GALNTL6: variants seen among roughly 807,000 people sequenced by gnomAD.
GALNTL6 encodes polypeptide N-acetylgalactosaminyltransferase like 6, also known as polypeptide N-acetylgalactosaminyltransferase-like 6.
GALNTL6 carries 46 observed loss-of-function variants against 73.7 expected under a neutral mutation model. The ratio of observed to expected loss-of-function variants is 0.62; its 90% confidence interval spans 0.49 to 0.80. The LOEUF is 0.80. GALNTL6 is among the 30% of genes least tolerant of loss of function. GALNTL6 has a pLI of 0.00. For synonymous variants in GALNTL6, 259 were observed against 263.7 expected, an observed-to-expected ratio of 0.98 and a Z score of 0.17; for missense variants, 604 against 755.0, an observed-to-expected ratio of 0.80 and a Z score of 2.34.
chr4:172,851,669 A>T (rs1170225102), intron 7 of GALNTL6, among the ~76,000 whole-genome samples: 1 of 152,146 alleles, frequency 6.6e-6, no homozygotes, highest in African/African-American at 2.4e-5. Context: ...GATAAAAGGA[A>T]GTTGGGCAAT....
chr4:171,948,955 A>G (rs1231316933), intron 2 of GALNTL6, among the ~76,000 whole-genome samples: 1 of 34,250 alleles, frequency 2.9e-5, no homozygotes, highest in African/African-American at 7.7e-5. Context: ...CGCAAGCCAT[A>G]TATATATACA....
At chr4:171,989,938 C>G (rs904409411) in intron 2 of GALNTL6, among the ~76,000 whole-genome samples, 8 of 152,112 alleles carry the variant, frequency 5.3e-5, no homozygotes, top group Non-Finnish European at 1.0e-4. Context: ...CTTGACTATG[C>G]CTTTAGCTCC....
chr4:172,310,902 T>C (rs1187686374), intron 3 of GALNTL6, among the ~76,000 whole-genome samples: 3 of 151,980 alleles, frequency 2.0e-5, no homozygotes, highest in East Asian at 3.9e-4. Flanking sequence ...ATAAATATAG[T>C]ATGTAAAAAA....
At chr4:172,546,806 A>ATATATATG (rs1554034205) in intron 5 of GALNTL6, among the ~76,000 whole-genome samples, 2 of 99,092 alleles carry the variant, frequency 2.0e-5, no homozygotes, top group East Asian at 5.4e-4. Context: ...ACGTATATAT[A>ATATATATG]CGTATATATA....
intron 11 of GALNTL6, 42 bp downstream of exon 11, chr4:173,009,336 G>A (rs1251025738): frequency 8.8e-7 from 1 of 1,130,070 alleles, no homozygotes; most frequent in East Asian, 2.3e-5. Flanking sequence ...GAACCAGTCG[G>A]GGGCTGATGC....
chr4:172,028,380 C>A (rs180810905), intron 2 of GALNTL6, among the ~76,000 whole-genome samples: 1 of 151,852 alleles, frequency 6.6e-6, no homozygotes, highest in African/African-American at 2.4e-5. Flanking sequence ...AAGAAGTTAC[C>A]TTTGAGAAAA....
intron 3 of GALNTL6, among the ~76,000 whole-genome samples, chr4:172,279,541 C>A (rs143139407): frequency 2.6e-5 from 4 of 152,106 alleles, no homozygotes; most frequent in African/African-American, 9.6e-5. Context: ...AGGATGTTTA[C>A]TATTAAAAAG....
chr4:172,737,783 T>A (rs960053762), intron 5 of GALNTL6, among the ~76,000 whole-genome samples: 7 of 152,194 alleles, frequency 4.6e-5, no homozygotes, highest in Non-Finnish European at 1.0e-4. Flanking sequence ...TAGCAATTCT[T>A]TACTAGTGGA....
chr4:172,757,899 A>G (rs2110810147), intron 5 of GALNTL6, among the ~76,000 whole-genome samples: 1 of 152,372 alleles, frequency 6.6e-6, no homozygotes, highest in South Asian at 2.1e-4. Context: ...TAATTAGCAC[A>G]AAAGCATATG....
At chr4:172,836,992 G>A (rs546356716) in intron 7 of GALNTL6, among the ~76,000 whole-genome samples, 57 of 152,146 alleles carry the variant, frequency 3.7e-4, no homozygotes, top group African/African-American at 1.3e-3. Context: ...TTACCCTTGC[G>A]AAAAAGACTT....
chr4:172,863,262 A>T (rs1442667002), intron 7 of GALNTL6, among the ~76,000 whole-genome samples: 5 of 152,166 alleles, frequency 3.3e-5, no homozygotes, highest in Non-Finnish European at 7.4e-5. Context: ...GAGCTGTGAG[A>T]AGAGGGCCAC....
In GALNTL6 at chr4:172,781,907, T is replaced by C. The variant is rs1448710017; in HGVS notation, c.554-27454T>C. Among the ~76,000 whole-genome samples, 3 of 151,262 alleles carry C rather than the reference T, an allele frequency of 2.0e-5. No individual in the cohort carries two copies. The East Asian group carries it at 5.8e-4, about 29-fold the overall frequency. Reference sequence around the variant, plus strand: ...AATACATATTATATTTTCAAATTTATACATTGAAACATTTAAATTATATAT... The same window carrying C: ...AATACATATTATATTTTCAAATTTACACATTGAAACATTTAAATTATATAT... On this transcript the variant is annotated intron_variant, in intron 5 of 12. Coordinates refer to ENST00000506823, the MANE Select transcript of GALNTL6 (RefSeq NM_001034845.3).
At position 172,507,993 on chromosome 4, in the gene GALNTL6, T is replaced by C. The variant is rs564365090; in HGVS notation, c.553+159304T>C. Among the ~76,000 whole-genome samples, 153 of 55,432 alleles carry C rather than the reference T, an allele frequency of 2.8e-3. 62 individuals are homozygous for C. Among genetic ancestry groups the C allele is most frequent in the African/African-American group, 6.5e-3 (144 of 22,262 alleles). The allele number at this position is 55,432 out of a possible 152,430, so 36.4% of individuals were successfully genotyped here. ...TATGATAGAAAAGGAAAAAGTGAAC[T>C]GATGTGAGAGTTGTTTTGTAGGAAC... On this transcript the variant is annotated intron_variant, in intron 5 of 12. Coordinates refer to ENST00000506823, the MANE Select transcript of GALNTL6 (RefSeq NM_001034845.3).
intron 7 of GALNTL6, among the ~76,000 whole-genome samples, chr4:172,850,505 C>T (rs963100189): frequency 6.6e-6 from 1 of 152,146 alleles, no homozygotes; most frequent in African/African-American, 2.4e-5. Context: ...TCACGGAATA[C>T]TTCACCGCTT....
chr4:171,841,753 A>G (rs1735244210), intron 2 of GALNTL6, among the ~76,000 whole-genome samples: 1 of 152,038 alleles, frequency 6.6e-6, no homozygotes, highest in African/African-American at 2.4e-5. Context: ...TTAATTCCAG[A>G]AAAAAACCTT....
At chr4:172,182,945 C>G (rs920907741) in intron 2 of GALNTL6, among the ~76,000 whole-genome samples, 2 of 152,058 alleles carry the variant, frequency 1.3e-5, no homozygotes, top group African/African-American at 2.4e-5. Flanking sequence ...CGCATTCGCT[C>G]AAGGCCTTTG....
intron 5 of GALNTL6, among the ~76,000 whole-genome samples, chr4:172,364,353 G>T (rs998983907): frequency 7.9e-5 from 12 of 152,152 alleles, no homozygotes; most frequent in Non-Finnish European, 1.8e-4. Flanking sequence ...AGAATTTTGA[G>T]GTTACAGTGA....
At chr4:172,705,588 A>G (rs115651118) in intron 5 of GALNTL6, among the ~76,000 whole-genome samples, 1 of 151,762 alleles carries the variant, frequency 6.6e-6, no homozygotes, top group Non-Finnish European at 1.5e-5. Context: ...AATGATTTTT[A>G]TACTTCAGGT....
chr4:172,483,620 A>G (rs1733570794), intron 5 of GALNTL6, among the ~76,000 whole-genome samples: 3 of 152,216 alleles, frequency 2.0e-5, no homozygotes, highest in Admixed American at 2.0e-4. Context: ...TAGAAAATTG[A>G]ACGAACTGGG....
Sources: allele counts gnomAD v4.1 joint callset (sites outside exome capture counted in the v4.1 genomes callset), GRCh38; gene constraint gnomAD v4.1.1; transcripts MANE v1.5; gene names NCBI Gene and HGNC (gene_info 2026-07-23, HGNC 2026-07-21).